RAI14: variants seen among roughly 807,000 people sequenced by gnomAD.
The protein encoded by RAI14 is retinoic acid induced 14, also known as ankycorbin.
RAI14 carries 45 observed loss-of-function variants against 115.4 expected under a neutral mutation model. The ratio of observed to expected loss-of-function variants is 0.39; its 90% confidence interval spans 0.31 to 0.50. The LOEUF is 0.50. Ranked by LOEUF, RAI14 falls within the 20% of genes least tolerant of loss-of-function variation. The pLI, the probability that RAI14 is intolerant of heterozygous loss-of-function variation, is 0.85. For synonymous variants in RAI14, 371 were observed against 415.4 expected (o/e 0.89, Z 1.30); for missense variants, 939 against 1,131.2 (o/e 0.83, Z 2.44).
intron 2 of RAI14, among the ~76,000 whole-genome samples, chr5:34,740,777 T>C (rs1284195170): frequency 6.6e-6 from 1 of 152,210 alleles, no homozygotes; most frequent in Non-Finnish European, 1.5e-5. Context: ...CAGGCAGAAG[T>C]GATTTCTTGG....
chr5:34,724,416 G>A (rs923772552), intron 2 of RAI14, among the ~76,000 whole-genome samples: 2 of 152,112 alleles, frequency 1.3e-5, no homozygotes, highest in Admixed American at 1.3e-4. Flanking sequence ...ATTAAAGTAT[G>A]CCCGGTATTT....
intron 3 of RAI14, among the ~76,000 whole-genome samples, chr5:34,766,090 C>A (rs575180592): frequency 4.2e-4 from 64 of 152,302 alleles, no homozygotes; most frequent in Admixed American, 8.5e-4. Context: ...TATGGAAACA[C>A]CTGGATGCCC....
At chr5:34,730,658 A>T (rs1462746381) in intron 2 of RAI14, among the ~76,000 whole-genome samples, 3 of 152,158 alleles carry the variant, frequency 2.0e-5, no homozygotes, top group Non-Finnish European at 4.4e-5. Context: ...CTTGGGAGAC[A>T]AACTGAGACC....
Position 34,832,432 on chromosome 5 carries a change from T to C in RAI14, c.*1667T>C, listed in dbSNP as rs541194989. ...CCGCACAGAAATGCTGCAGAGTATA[T>C]AAAACTTGAGACATTTTTGTAGGAT... is the stretch of plus-strand genomic sequence containing the variant. On this transcript the variant is annotated 3_prime_UTR_variant, in exon 18 of 18. Transcript: ENST00000265109. The C allele has an allele frequency of 6.5e-6, 1 of 152,766 alleles. No individual in the cohort carries two copies. The highest frequency in any genetic ancestry group is 1.5e-5 in the Non-Finnish European group (1 of 68,032). 9.5% of individuals were successfully genotyped at this position (152,766 alleles called of 1,614,324 possible).
intron 3 of RAI14, among the ~76,000 whole-genome samples, chr5:34,781,009 G>T (rs1434244326): frequency 2.6e-5 from 4 of 152,000 alleles, no homozygotes; most frequent in African/African-American, 9.7e-5. Context: ...AGAAAATGTG[G>T]CACATATACA....
At chr5:34,663,208 A>G (rs748357791) in intron 1 of RAI14, among the ~76,000 whole-genome samples, 3 of 152,172 alleles carry the variant, frequency 2.0e-5, no homozygotes, top group Non-Finnish European at 4.4e-5. Context: ...CAGCAAATCT[A>G]ATCAGTATTT....
At position 34,830,712 on chromosome 5, in the gene RAI14, A is replaced by G. The variant is rs1757955392; in HGVS notation, c.2890A>G (p.Lys964Glu). ...VQGQMDEDVQ[K>E]VLKQILTMCK... ...GGGCCAGATGGATGAAGATGTCCAG[A>G]AAGTACTGAAGCAAATCCTTACCAT... Residue 964 changes from lysine (K) to glutamate (E), a missense_variant, in exon 18 of 18, where the codon AAA becomes GAA. By Grantham distance (56) the Lys-to-Glu change is moderately conservative. Coordinates refer to ENST00000265109, the MANE Select transcript of RAI14 (RefSeq NM_015577.3). The G allele has an allele frequency of 6.2e-7, 1 of 1,614,084 alleles. No individual in the cohort carries two copies.
intron 1 of RAI14, among the ~76,000 whole-genome samples, chr5:34,680,455 G>A (rs1263544901): frequency 6.6e-6 from 1 of 152,274 alleles, no homozygotes; most frequent in African/African-American, 2.4e-5. Flanking sequence ...CCGTAATAAA[G>A]CATGAATCCA....
chr5:34,660,876 C>T (rs775437355), intron 1 of RAI14, among the ~76,000 whole-genome samples: 1 of 151,952 alleles, frequency 6.6e-6, no homozygotes. Flanking sequence ...CGTCTTGCCT[C>T]AGAGCCTTTG....
chr5:34,761,359 G>A (rs1340496069), intron 3 of RAI14, among the ~76,000 whole-genome samples: 1 of 151,724 alleles, frequency 6.6e-6, no homozygotes, highest in African/African-American at 2.4e-5. Flanking sequence ...GCTAATTTTG[G>A]TTTTGTTTTG....
intron 2 of RAI14, among the ~76,000 whole-genome samples, chr5:34,723,015 G>A (rs929236009): frequency 8.0e-5 from 12 of 149,102 alleles, no homozygotes; most frequent in South Asian, 4.3e-4. Context: ...CAGGAGAATC[G>A]CTTGAAACTG....
chr5:34,801,319 G>C (rs1754230523), intron 4 of RAI14, among the ~76,000 whole-genome samples: 1 of 152,176 alleles, frequency 6.6e-6, no homozygotes, highest in Non-Finnish European at 1.5e-5. Context: ...CGGATCATTT[G>C]ACTTTACACA....
chr5:34,811,582 TAAAAA>T (rs35087500), intron 8 of RAI14, among the ~76,000 whole-genome samples, 180 bp from the exon 9 acceptor site: 1 of 145,894 alleles, frequency 6.9e-6, no homozygotes, highest in Non-Finnish European at 1.5e-5. Flanking sequence ...ATCTGAAGTT[TAAAAA>T]AAAAAAAAAC....
chr5:34,718,309 A>T (rs1464248034), intron 2 of RAI14, among the ~76,000 whole-genome samples: 2 of 152,262 alleles, frequency 1.3e-5, no homozygotes, highest in South Asian at 4.1e-4. Context: ...TTTACACACC[A>T]TAAGGTACGT....
chr5:34,709,809 C>T (rs1741167879), intron 2 of RAI14, among the ~76,000 whole-genome samples: 1 of 152,140 alleles, frequency 6.6e-6, no homozygotes, highest in African/African-American at 2.4e-5. Flanking sequence ...AATAAGCAAT[C>T]ATCTAGGAGG....
chr5:34,694,041 A>G (rs1738941931), intron 2 of RAI14, among the ~76,000 whole-genome samples: 1 of 152,230 alleles, frequency 6.6e-6, no homozygotes, highest in South Asian at 2.1e-4. Flanking sequence ...TAAATGGGTC[A>G]TAGCTTTATT....
At chr5:34,763,290 AT>A (rs1398046407) in intron 3 of RAI14, among the ~76,000 whole-genome samples, 1 of 152,190 alleles carries the variant, frequency 6.6e-6, no homozygotes, top group Non-Finnish European at 1.5e-5. Flanking sequence ...TGCCAAATTA[AT>A]TTACCTAAAA....
At chr5:34,824,773 G>A (rs376831578) in intron 15 of RAI14, among the ~76,000 whole-genome samples, 3 of 151,732 alleles carry the variant, frequency 2.0e-5, no homozygotes, top group African/African-American at 4.8e-5. Context: ...GTGAAACCAC[G>A]TCTCTACTAA....
At chr5:34,797,306 G>A (rs1436990002) in intron 4 of RAI14, among the ~76,000 whole-genome samples, 1 of 151,976 alleles carries the variant, frequency 6.6e-6, no homozygotes, top group East Asian at 1.9e-4. Context: ...TCATCTTGAG[G>A]GATCAGCCAG....
Sources: allele counts gnomAD v4.1 joint callset (sites outside exome capture counted in the v4.1 genomes callset), GRCh38; gene constraint gnomAD v4.1.1; transcripts MANE v1.5; gene names NCBI Gene and HGNC (gene_info 2026-07-23, HGNC 2026-07-21).